SPATA13: variants seen among roughly 807,000 people sequenced by gnomAD.
SPATA13 encodes the protein spermatogenesis associated 13.
A neutral mutation model predicts 104.0 loss-of-function variants in SPATA13; 50 were observed. That is an observed-to-expected ratio of 0.48 (90% confidence interval 0.38 to 0.61). The LOEUF is 0.61. SPATA13 is among the 20% of genes least tolerant of loss of function. SPATA13 has a pLI of 0.00. For synonymous variants in SPATA13, 606 were observed against 667.5 expected (o/e 0.91, Z 1.42); for missense variants, 1,524 against 1,690.6 (o/e 0.90, Z 1.73).
At chr13:23,995,822 T>C (rs1211903392) in intron 2 of SPATA13, among the ~76,000 whole-genome samples, 2 of 151,538 alleles carry the variant, frequency 1.3e-5, no homozygotes, top group Non-Finnish European at 2.9e-5. Context: ...ATAAGCCATG[T>C]TTCCTGAGAA....
At chr13:24,024,767 A>G (rs1418270602) in intron 3 of SPATA13, among the ~76,000 whole-genome samples, 1 of 150,822 alleles carries the variant, frequency 6.6e-6, no homozygotes, top group Non-Finnish European at 1.5e-5. Context: ...AAATTCAGCT[A>G]TATTTGCCTG....
intron 3 of SPATA13, among the ~76,000 whole-genome samples, chr13:24,035,634 A>C (rs2137721362): frequency 6.6e-6 from 1 of 152,322 alleles, no homozygotes; most frequent in Non-Finnish European, 1.5e-5. Flanking sequence ...GATTCACAGG[A>C]GGCGTGTCAC....
chr13:24,009,561 GT>G (rs971266901), intron 2 of SPATA13, among the ~76,000 whole-genome samples: 31 of 152,228 alleles, frequency 2.0e-4, no homozygotes, highest in African/African-American at 7.5e-4. Flanking sequence ...GAAGCAGGGT[GT>G]GGGATTGTTC....
At chr13:24,212,484 G>GTTATT (rs1376605392) in intron 1 of SPATA13, among the ~76,000 whole-genome samples, 4 of 152,108 alleles carry the variant, frequency 2.6e-5, no homozygotes, top group African/African-American at 7.2e-5. Context: ...TGAGGCATTG[G>GTTATT]TTATTGCCAA....
chr13:24,284,031 G>C (rs1251086174), intron 4 of SPATA13, 104 bp from the exon 5 acceptor site: 1 of 1,191,626 alleles, frequency 8.4e-7, no homozygotes, highest in African/African-American at 1.5e-5. Context: ...GTAAGATGCA[G>C]ATGATTACCT....
intron 3 of SPATA13, among the ~76,000 whole-genome samples, chr13:24,131,422 G>C (rs1350219205): frequency 6.6e-6 from 1 of 152,132 alleles, no homozygotes. Flanking sequence ...CTACTTACCT[G>C]ACCTGGGCAC....
intron 2 of SPATA13, among the ~76,000 whole-genome samples, chr13:23,991,996 A>T (rs187865326): frequency 1.8e-4 from 28 of 152,332 alleles, no homozygotes; most frequent in African/African-American, 6.0e-4. Context: ...GCCATTGTTG[A>T]GTGGTTACTA....
chr13:24,260,643 A>C (rs1264566509), intron 4 of SPATA13, among the ~76,000 whole-genome samples: 6 of 152,246 alleles, frequency 3.9e-5, no homozygotes, highest in Admixed American at 3.9e-4. Context: ...AATAAAAGTG[A>C]ATTGTTAAAG....
At chr13:24,100,656 T>G (rs892813491) in intron 3 of SPATA13, among the ~76,000 whole-genome samples, 1 of 152,200 alleles carries the variant, frequency 6.6e-6, no homozygotes, top group Non-Finnish European at 1.5e-5. Context: ...GTCACAAAAC[T>G]AATTTGAGCA....
intron 4 of SPATA13, among the ~76,000 whole-genome samples, chr13:24,256,710 G>A (rs559321846): frequency 9.9e-5 from 15 of 152,270 alleles, no homozygotes; most frequent in African/African-American, 3.6e-4. Context: ...CTTACCTCTT[G>A]CCAGCCACAC....
At chr13:23,984,605 G>A (rs868413138) in intron 2 of SPATA13, among the ~76,000 whole-genome samples, 2 of 152,166 alleles carry the variant, frequency 1.3e-5, no homozygotes, top group East Asian at 3.9e-4. Context: ...GTGAGGCCCC[G>A]GATGAAATTC....
chr13:24,084,640 T>C (rs1480717045), intron 3 of SPATA13, among the ~76,000 whole-genome samples: 7 of 152,284 alleles, frequency 4.6e-5, no homozygotes, highest in Admixed American at 4.6e-4. Flanking sequence ...ACCACAGAGC[T>C]CACTTACCAG....
chr13:24,062,490 G>A (rs1177916356), intron 3 of SPATA13, among the ~76,000 whole-genome samples: 1 of 152,004 alleles, frequency 6.6e-6, no homozygotes, highest in Non-Finnish European at 1.5e-5. Context: ...CAGCCCTGCC[G>A]CTCCAGGGCT....
chr13:24,235,544 G>A (rs1179209223), intron 2 of SPATA13, among the ~76,000 whole-genome samples: 1 of 152,200 alleles, frequency 6.6e-6, no homozygotes, highest in African/African-American at 2.4e-5. Context: ...AGGACCACTT[G>A]AGCTCAGGAG....
At chr13:24,105,118 G>A (rs1439266172) in intron 3 of SPATA13, among the ~76,000 whole-genome samples, 3 of 112,988 alleles carry the variant, frequency 2.7e-5, no homozygotes, top group African/African-American at 1.0e-4. Flanking sequence ...CAATCGTTTT[G>A]TTTTGTTTTG....
chr13:24,176,856 T>C (rs1040736897), intron 1 of SPATA13, among the ~76,000 whole-genome samples: 2 of 152,160 alleles, frequency 1.3e-5, no homozygotes, highest in African/African-American at 2.4e-5. Context: ...CTCCGCCTCC[T>C]GGGTTCAAGG....
chr13:24,122,836 TCTC>T (rs1202374792), intron 3 of SPATA13: 21 of 773,010 alleles, frequency 2.7e-5, no homozygotes, highest in Non-Finnish European at 3.6e-5. Context: ...AAAGAGAAGA[TCTC>T]CTCATAGAAT....
chr13:24,301,679 G>C (rs1275103903), intron 12 of SPATA13, among the ~76,000 whole-genome samples: 1 of 152,198 alleles, frequency 6.6e-6, no homozygotes, highest in Non-Finnish European at 1.5e-5. Flanking sequence ...GCAGGCCAGG[G>C]GCAGGGACGG....
intron 2 of SPATA13, among the ~76,000 whole-genome samples, chr13:24,238,774 C>T (rs567884390): frequency 6.6e-6 from 1 of 152,284 alleles, no homozygotes; most frequent in Non-Finnish European, 1.5e-5. Context: ...TGGCTTTGTA[C>T]TTTTACTCTT....
Sources: gnomAD v4.1 joint callset for allele counts (sites outside exome capture counted in the v4.1 genomes callset) on GRCh38, gnomAD v4.1.1 for gene constraint, MANE v1.5 for transcripts, NCBI Gene and HGNC (gene_info 2026-07-23, HGNC 2026-07-21) for gene names.